Variants in RGL1 observed in about 807,000 individuals in gnomAD.
The protein encoded by RGL1 is ral guanine nucleotide dissociation stimulator-like 1.
RGL1 carries 24 observed loss-of-function variants against 95.2 expected under a neutral mutation model. That is an observed-to-expected ratio of 0.25 (90% CI 0.18 to 0.35). The LOEUF (loss-of-function observed/expected upper bound fraction) is 0.35. Ranked by LOEUF, RGL1 falls within the 10% of genes least tolerant of loss-of-function variation. The probability of loss-of-function intolerance (pLI) is 1.00; values close to 1 mark genes in which losing one functional copy is unlikely to be tolerated. For synonymous variants in RGL1, 329 were observed against 344.9 expected (o/e 0.95, Z 0.51); for missense variants, 715 against 936.3 (o/e 0.76, Z 3.08).
intron 1 of RGL1, among the ~76,000 whole-genome samples, chr1:183,652,773 T>C (rs147780312): frequency 3.3e-3 from 501 of 152,314 alleles, no homozygotes; most frequent in Non-Finnish European, 5.3e-3. Context: ...TGTTATACTC[T>C]GTAGAGCAGA....
At chr1:183,732,765 AT>A (rs973008937) in intron 1 of RGL1, among the ~76,000 whole-genome samples, 4 of 152,166 alleles carry the variant, frequency 2.6e-5, no homozygotes, top group Admixed American at 6.6e-5. Flanking sequence ...AATATTTGCA[AT>A]TTTAAAGAAA....
chr1:183,699,299 T>C (rs1193942563), intron 1 of RGL1, among the ~76,000 whole-genome samples: 1 of 152,234 alleles, frequency 6.6e-6, no homozygotes, highest in African/African-American at 2.4e-5. Flanking sequence ...TAAGCATCCT[T>C]GAAACTATAT....
rs113786972 is a variant in RGL1 at position 183,778,715 on chromosome 1, T to C, written c.133-27660T>C. Among the ~76,000 whole-genome samples the C allele has an allele frequency of 6.6e-3, 999 of 152,296 alleles. 14 individuals are homozygous for C. The highest frequency in any genetic ancestry group is 0.023 in the African/African-American group (969 of 41,552). The stretch of plus-strand genomic sequence containing the variant: ...TGTCCTCAGTCTGATTTGATGTATG[T>C]CATCTATGGTTCAGCTACATGTCTC... On this transcript the variant is annotated intron_variant, in intron 2 of 18. Transcript: ENST00000304685.
rs1651404310 is a variant in RGL1, at chr1:183,658,975, A to G, written c.-33+22474A>G. On this transcript the variant is annotated intron_variant, in intron 1 of 18. Transcript: ENST00000304685. ...CTGGAGTGGACCTCTAGCAAACTCCAACAGACCTGCAGCTGAGGGTCCTGT... is the reference window on the plus strand; with the variant it reads ...CTGGAGTGGACCTCTAGCAAACTCCGACAGACCTGCAGCTGAGGGTCCTGT... Among the ~76,000 whole-genome samples the G allele has an allele frequency of 2.6e-5, 4 of 152,066 alleles. No homozygotes were observed. The South Asian group carries it at 8.3e-4, about 32-fold the overall frequency.
intron 1 of RGL1, among the ~76,000 whole-genome samples, chr1:183,675,156 C>T (rs1367372662): frequency 1.1e-4 from 16 of 152,160 alleles, no homozygotes; most frequent in Admixed American, 1.0e-3. Flanking sequence ...CTTTTACTTA[C>T]ACAGGGCACT....
At chr1:183,829,860 C>CA (rs11385665) in intron 2 of RGL1, among the ~76,000 whole-genome samples, 123,028 of 152,038 alleles carry the variant, frequency 0.81, 49,884 homozygotes, top group Middle Eastern at 0.88. Context: ...CATGTTTCCT[C>CA]GTGAAATTTA....
intron 2 of RGL1, among the ~76,000 whole-genome samples, chr1:183,792,508 A>C (rs1660485049): frequency 6.6e-6 from 1 of 152,162 alleles, no homozygotes; most frequent in African/African-American, 2.4e-5. Flanking sequence ...AAAGGAACCA[A>C]ACTGGAAAAG....
intron 14 of RGL1, among the ~76,000 whole-genome samples, chr1:183,910,305 C>G (rs1344365321): frequency 6.6e-6 from 1 of 152,176 alleles, no homozygotes; most frequent in Non-Finnish European, 1.5e-5. Flanking sequence ...ACCACGTTGC[C>G]TGGAGTGGTC....
intron 1 of RGL1, among the ~76,000 whole-genome samples, chr1:183,699,721 GT>G (rs1419707291): frequency 1.3e-5 from 2 of 152,000 alleles, no homozygotes; most frequent in Non-Finnish European, 2.9e-5. Flanking sequence ...ATGTTTCAAT[GT>G]TTGCTTTGTT....
At chr1:183,669,572 A>G (rs142145066) in intron 1 of RGL1, among the ~76,000 whole-genome samples, 3 of 152,278 alleles carry the variant, frequency 2.0e-5, no homozygotes, top group African/African-American at 4.8e-5. Flanking sequence ...AGTTTGCCTT[A>G]TAATTTTTGG....
At chr1:183,917,526 CAG>C (rs1180729307) in intron 16 of RGL1, among the ~76,000 whole-genome samples, 4 of 152,220 alleles carry the variant, frequency 2.6e-5, no homozygotes, top group African/African-American at 7.2e-5. Context: ...AAGGCACACT[CAG>C]TGCTTACAAG....
Position 183,916,615 on chromosome 1 carries a change from C to G in RGL1, c.1918C>G (p.Pro640Ala), listed in dbSNP as rs773174503. Reference protein sequence around the residue: ...VTSITSTVLPPVYNQQNEDTC... With the variant: ...VTSITSTVLPAVYNQQNEDTC... The stretch of plus-strand genomic sequence containing the variant: ...GTCCATTACCTCGACTGTGCTGCCT[C>G]CTGTTTACAACCAACAGAATGAAGA... Residue 640 changes from proline (P) to alanine (A), a missense_variant, in exon 16 of 18, where the codon CCT becomes GCT. By Grantham distance (27) the Pro-to-Ala change is conservative (BLOSUM62 -1). Transcript: ENST00000360851. The G allele has an allele frequency of 1.9e-6, 3 of 1,613,896 alleles. No individual in the cohort carries two copies. In the African/African-American group the frequency reaches 4.0e-5, roughly 22 times the overall value.
intron 1 of RGL1, among the ~76,000 whole-genome samples, chr1:183,659,748 A>G (rs528551095): frequency 6.6e-6 from 1 of 151,520 alleles, no homozygotes; most frequent in African/African-American, 2.4e-5. Context: ...TCCAAGACAC[A>G]TAATTGTCAG....
chr1:183,686,799 C>T (rs566664922), intron 1 of RGL1, among the ~76,000 whole-genome samples: 1 of 152,288 alleles, frequency 6.6e-6, no homozygotes, highest in Admixed American at 6.5e-5. Context: ...CCCTGAGCAT[C>T]AGACTTGTAT....
chr1:183,906,602 A>C (rs1668343258), intron 13 of RGL1, among the ~76,000 whole-genome samples: 2 of 152,212 alleles, frequency 1.3e-5, no homozygotes, highest in Admixed American at 6.5e-5. Flanking sequence ...CATGTGCACA[A>C]ACACACATAC....
intron 2 of RGL1, among the ~76,000 whole-genome samples, chr1:183,755,675 C>G (rs780047994): frequency 5.3e-5 from 8 of 151,930 alleles, no homozygotes; most frequent in Non-Finnish European, 1.0e-4. Context: ...TAAATGATAC[C>G]TCAACAAAGT....
intron 1 of RGL1, among the ~76,000 whole-genome samples, chr1:183,665,840 G>A (rs1248352106): frequency 1.3e-5 from 2 of 151,746 alleles, no homozygotes; most frequent in African/African-American, 2.4e-5. Flanking sequence ...ATCAGCTTTC[G>A]GTTTAATGAT....
chr1:183,768,772 T>C (rs1240425152), intron 2 of RGL1, among the ~76,000 whole-genome samples: 2 of 152,228 alleles, frequency 1.3e-5, no homozygotes, highest in African/African-American at 4.8e-5. Context: ...CAGTAACTTC[T>C]GAATTAAACA....
chr1:183,824,738 CAT>C (rs764162755), intron 2 of RGL1, among the ~76,000 whole-genome samples: 1 of 152,216 alleles, frequency 6.6e-6, no homozygotes, highest in Non-Finnish European at 1.5e-5. Flanking sequence ...ATTTGGAAAA[CAT>C]GTACAACCAC....
Sources: allele counts gnomAD v4.1 joint callset (sites outside exome capture counted in the v4.1 genomes callset), GRCh38; gene constraint gnomAD v4.1.1; transcripts MANE v1.5; gene names NCBI Gene and HGNC (gene_info 2026-07-23, HGNC 2026-07-21).